The following GRIA1 variants were observed in gnomAD, a reference collection of about 807,000 sequenced individuals.
GRIA1 encodes the protein glutamate receptor 1.
In GRIA1, 31 loss-of-function variants were observed where a neutral mutation model predicts 99.2. The ratio of observed to expected loss-of-function variants is 0.31; its 90% confidence interval spans 0.23 to 0.42. The LOEUF is 0.42. Among genes scored for constraint, GRIA1 ranks in the 10% least tolerant of loss-of-function variants. The probability of loss-of-function intolerance (pLI) is 1.00; values close to 1 mark genes in which losing one functional copy is unlikely to be tolerated. For missense variants in GRIA1, 782 were observed against 1,157.5 expected, an observed-to-expected ratio of 0.68 and a Z score of 4.71; for synonymous variants, 438 against 432.4, an observed-to-expected ratio of 1.01 and a Z score of -0.16.
intron 2 of GRIA1, among the ~76,000 whole-genome samples, chr5:153,629,274 C>T (rs995353203): frequency 2.9e-4 from 44 of 152,192 alleles, no homozygotes; most frequent in African/African-American, 9.9e-4. Flanking sequence ...CGTGCTTCCA[C>T]AAGGCATCCT....
intron 11 of GRIA1, among the ~76,000 whole-genome samples, chr5:153,729,560 T>A (rs1250958557): frequency 6.6e-6 from 1 of 152,002 alleles, no homozygotes; most frequent in East Asian, 1.9e-4. Flanking sequence ...CTCTGCAAAT[T>A]CACAGAAAGA....
At position 153,756,595 on chromosome 5, in the gene GRIA1, G is replaced by A. The variant is rs546898292; in HGVS notation, c.1824-7839G>A. On this transcript the variant is annotated intron_variant, in intron 11 of 15. Transcript: ENST00000285900. ...AGCCATATGGACCAGTGAGACAGGC[G>A]TCTGAACTCAGGTTCCTACCCATCT... 1.8e-4 allele frequency among the ~76,000 whole-genome samples: 27 copies of A among 152,252 alleles called. No homozygotes were observed. In the East Asian group the frequency reaches 2.7e-3, roughly 15 times the overall value.
chr5:153,568,230 T>C (rs1227620442), intron 2 of GRIA1, among the ~76,000 whole-genome samples: 1 of 152,224 alleles, frequency 6.6e-6, no homozygotes, highest in Non-Finnish European at 1.5e-5. Context: ...TGTTTAAGAA[T>C]TCCTAATATA....
Position 153,714,103 on chromosome 5 carries a change from G to A in GRIA1, c.1823+8036G>A, listed in dbSNP as rs538823507. On this transcript the variant is annotated intron_variant, in intron 11 of 15. Transcript: ENST00000285900. ...ACAGATAATTAGTGTAGGTTCAATA[G>A]CATAGGAGTGGAAGTCAGCCGGGGG... Among the ~76,000 whole-genome samples, 18 of 152,328 alleles carry A rather than the reference G, an allele frequency of 1.2e-4. No individual in the cohort carries two copies. In the South Asian group the frequency reaches 3.3e-3, roughly 28 times the overall value.
intron 2 of GRIA1, among the ~76,000 whole-genome samples, chr5:153,536,589 G>A (rs1485972505): frequency 6.6e-6 from 1 of 152,124 alleles, no homozygotes. Flanking sequence ...AGCAAAGTGT[G>A]TTGAATAGAA....
chr5:153,679,888 A>T (rs2149490778), intron 7 of GRIA1, among the ~76,000 whole-genome samples: 1 of 152,352 alleles, frequency 6.6e-6, no homozygotes, highest in East Asian at 1.9e-4. Flanking sequence ...TTAAATTCTG[A>T]AAATAATATG....
intron 2 of GRIA1, among the ~76,000 whole-genome samples, chr5:153,505,256 A>G (rs950392749): frequency 3.3e-5 from 5 of 152,192 alleles, no homozygotes; most frequent in African/African-American, 9.7e-5. Flanking sequence ...GATTTGGGGG[A>G]AGGTGCACTT....
intron 2 of GRIA1, among the ~76,000 whole-genome samples, chr5:153,557,186 G>A (rs2201279): frequency 6.6e-6 from 1 of 152,176 alleles, no homozygotes; most frequent in Non-Finnish European, 1.5e-5. Flanking sequence ...TGAAGGCCTA[G>A]GACATTACTA....
chr5:153,739,011 C>T (rs1161500872), intron 11 of GRIA1, among the ~76,000 whole-genome samples: 4 of 151,500 alleles, frequency 2.6e-5, no homozygotes, highest in Admixed American at 1.3e-4. Context: ...TGTGAGCCAC[C>T]ACACCTGGCC....
chr5:153,601,215 T>C (rs535457294), intron 2 of GRIA1, among the ~76,000 whole-genome samples: 2 of 152,292 alleles, frequency 1.3e-5, no homozygotes, highest in Non-Finnish European at 2.9e-5. Context: ...TTATCCCCAT[T>C]TTACAAGCAA....
intron 2 of GRIA1, among the ~76,000 whole-genome samples, chr5:153,585,894 C>T (rs1187079602): frequency 6.6e-6 from 1 of 152,100 alleles, no homozygotes; most frequent in Non-Finnish European, 1.5e-5. Flanking sequence ...TAGTGTCATC[C>T]TACACAGTGA....
intron 2 of GRIA1, among the ~76,000 whole-genome samples, chr5:153,580,217 G>T (rs1216719062): frequency 6.6e-6 from 1 of 152,196 alleles, no homozygotes; most frequent in East Asian, 1.9e-4. Flanking sequence ...AGTAGGAAGA[G>T]AACTCTTCAG....
chr5:153,657,746 A>G (rs1322957593), intron 5 of GRIA1, among the ~76,000 whole-genome samples: 1 of 152,170 alleles, frequency 6.6e-6, no homozygotes, highest in South Asian at 2.1e-4. Flanking sequence ...TTGTCTTGGC[A>G]ATATTTCGGA....
chr5:153,699,215 C>A, intron 10 of GRIA1, 142 bp downstream of exon 10: 1 of 664,626 alleles, frequency 1.5e-6, no homozygotes, highest in South Asian at 1.7e-5. Flanking sequence ...GATGAGTCAT[C>A]CAAAATCCAA....
chr5:153,699,196 T>A, intron 10 of GRIA1, 123 bp downstream of exon 10: 1 of 715,520 alleles, frequency 1.4e-6, no homozygotes, highest in Non-Finnish European at 2.5e-6. Flanking sequence ...GTGTTGTTGC[T>A]GCTGAACAGA....
rs531754609 is a variant in GRIA1, at chr5:153,507,733, C to T, written c.220+13668C>T. Among the ~76,000 whole-genome samples, 139 of 152,282 alleles carry T rather than the reference C, an allele frequency of 9.1e-4. 1 individual carries two copies. In the South Asian group the frequency reaches 0.029, roughly 31 times the overall value. On this transcript the variant is annotated intron_variant, in intron 2 of 15. Coordinates refer to ENST00000285900, the MANE Select transcript of GRIA1 (RefSeq NM_000827.4). Reference sequence around the variant, plus strand: ...TTTATTGAAGACTATTTCTGATCATCAAGCTTCTTGTCTCAAAAAAATATC... The same window carrying T: ...TTTATTGAAGACTATTTCTGATCATTAAGCTTCTTGTCTCAAAAAAATATC...
chr5:153,537,094 C>A (rs995046359), intron 2 of GRIA1, among the ~76,000 whole-genome samples: 77 of 152,286 alleles, frequency 5.1e-4, no homozygotes, highest in African/African-American at 1.8e-3. Flanking sequence ...AGCAATCGGA[C>A]ATCTTGGGAA....
rs1236695977 is a variant in GRIA1 at position 153,600,419 on chromosome 5, A to T, written c.221-46509A>T. ...AAAAAAAAAAAAAAAAAAAAAAAGT[A>T]TGGAGTTTGTAAGGATAGGTTTCAA... is the stretch of plus-strand genomic sequence containing the variant. On this transcript the variant is annotated intron_variant, in intron 2 of 15. Coordinates refer to ENST00000285900, the MANE Select transcript of GRIA1 (RefSeq NM_000827.4). Among the ~76,000 whole-genome samples, 5 of 60,138 alleles carry T rather than the reference A, an allele frequency of 8.3e-5. No individual in the cohort carries two copies. In the South Asian group the frequency reaches 2.4e-3, roughly 28 times the overall value. The allele number at this position is 60,138 out of a possible 152,430, so 39.5% of individuals were successfully genotyped here.
chr5:153,776,574 T>C (rs1445949893), intron 13 of GRIA1, among the ~76,000 whole-genome samples: 1 of 152,222 alleles, frequency 6.6e-6, no homozygotes, highest in African/African-American at 2.4e-5. Context: ...TGACTATATC[T>C]GGCCTTTATC....
Sources: allele counts gnomAD v4.1 joint callset (sites outside exome capture counted in the v4.1 genomes callset), GRCh38; gene constraint gnomAD v4.1.1; transcripts MANE v1.5; gene names NCBI Gene and HGNC (gene_info 2026-07-23, HGNC 2026-07-21).